ANO3: variants seen among roughly 807,000 people sequenced by gnomAD.
The protein encoded by ANO3 is anoctamin 3.
Under a neutral mutation model 144.8 loss-of-function variants are expected in ANO3, and 99 were observed. The ratio of observed to expected loss-of-function variants is 0.68; its 90% CI spans 0.58 to 0.81. The LOEUF is 0.81. ANO3 is among the 30% of genes least tolerant of loss of function. The pLI, the probability that ANO3 is intolerant of heterozygous loss-of-function variation, is 0.00. For synonymous variants in ANO3, 414 were observed against 392.6 expected (o/e 1.05, Z -0.64); for missense variants, 905 against 1,202.2 (o/e 0.75, Z 3.66).
intron 5 of ANO3, among the ~76,000 whole-genome samples, chr11:26,510,622 G>A (rs974469339): frequency 2.0e-5 from 3 of 152,008 alleles, no homozygotes; most frequent in Non-Finnish European, 1.5e-5. Flanking sequence ...ACATTATTTT[G>A]GCTAGCACTG....
At chr11:26,635,158 T>G in intron 20 of ANO3, 88 bp downstream of exon 20, 1 of 1,231,822 alleles carries the variant, frequency 8.1e-7, no homozygotes, top group Admixed American at 1.8e-5. Flanking sequence ...AAAGGAGAAG[T>G]TCAGGGAACT....
intron 1 of ANO3, among the ~76,000 whole-genome samples, chr11:26,398,960 G>A (rs756895293): frequency 1.3e-5 from 2 of 152,018 alleles, no homozygotes; most frequent in South Asian, 2.1e-4. Context: ...ATTTGGGCAG[G>A]TGATGGGGTA....
At chr11:26,390,554 A>G (rs1856848102) in intron 1 of ANO3, among the ~76,000 whole-genome samples, 1 of 152,168 alleles carries the variant, frequency 6.6e-6, no homozygotes, top group Non-Finnish European at 1.5e-5. Context: ...ACACTAGAGC[A>G]TCAGAGTACC....
At chr11:26,191,800 T>C (rs1323495710) in intron 1 of ANO3, among the ~76,000 whole-genome samples, 1 of 152,224 alleles carries the variant, frequency 6.6e-6, no homozygotes, top group Non-Finnish European at 1.5e-5. Context: ...CATATGGCCA[T>C]ATCTCTGTGT....
At chr11:26,463,946 A>G (rs1031329253) in intron 4 of ANO3, among the ~76,000 whole-genome samples, 3 of 151,676 alleles carry the variant, frequency 2.0e-5, no homozygotes, top group African/African-American at 4.8e-5. Flanking sequence ...ATGCCTTTGT[A>G]AAAAAGATAG....
chr11:26,572,517 T>C (rs867459654), intron 14 of ANO3, among the ~76,000 whole-genome samples: 3 of 152,098 alleles, frequency 2.0e-5, no homozygotes, highest in Non-Finnish European at 4.4e-5. Flanking sequence ...AAACAAGTCA[T>C]GCCCTGCACT....
chr11:26,212,547 A>G (rs111450413), intron 1 of ANO3, among the ~76,000 whole-genome samples: 45,873 of 151,904 alleles, frequency 0.3, 7,662 homozygotes, highest in Non-Finnish European at 0.37. Flanking sequence ...AAATGGATAA[A>G]TTTCTGGACA....
chr11:26,274,314 C>A (rs1214554328), intron 1 of ANO3, among the ~76,000 whole-genome samples: 2 of 151,872 alleles, frequency 1.3e-5, no homozygotes, highest in Non-Finnish European at 2.9e-5. Flanking sequence ...ATTAACAATA[C>A]AATCTGCTCT....
At chr11:26,338,700 C>CA in intron 1 of ANO3, among the ~76,000 whole-genome samples, 1 of 151,928 alleles carries the variant, frequency 6.6e-6, no homozygotes, top group Non-Finnish European at 1.5e-5. Flanking sequence ...TGAACCCCCC[C>CA]ACTGGGAGAA....
chr11:26,581,457 G>A (rs1427500352), intron 14 of ANO3, among the ~76,000 whole-genome samples: 1 of 151,992 alleles, frequency 6.6e-6, no homozygotes, highest in Non-Finnish European at 1.5e-5. Context: ...GGGAGGCCAA[G>A]GCAGGTGGAT....
intron 11 of ANO3, among the ~76,000 whole-genome samples, chr11:26,546,236 A>T (rs900755477): frequency 6.6e-6 from 1 of 151,960 alleles, no homozygotes; most frequent in South Asian, 2.1e-4. Flanking sequence ...CTATTATTGT[A>T]TGAGAAATGA....
intron 1 of ANO3, among the ~76,000 whole-genome samples, chr11:26,370,327 T>C (rs991075963): frequency 6.6e-5 from 10 of 152,182 alleles, no homozygotes; most frequent in African/African-American, 2.4e-4. Context: ...TGCTTCCCCT[T>C]CCACAATGAT....
At chr11:26,358,553 A>G (rs1169431706) in intron 1 of ANO3, among the ~76,000 whole-genome samples, 1 of 145,692 alleles carries the variant, frequency 6.9e-6, no homozygotes, top group East Asian at 1.9e-4. Context: ...ATTGACCATC[A>G]TAATTTTTTT....
intron 13 of ANO3, among the ~76,000 whole-genome samples, chr11:26,554,701 C>G (rs184621038): frequency 1.8e-3 from 273 of 152,162 alleles, no homozygotes; most frequent in African/African-American, 6.5e-3. Context: ...ACTCCAGTCT[C>G]TCAAGTGGTG....
upstream of ANO3, among the ~76,000 whole-genome samples, chr11:26,330,971 C>A (rs1314941343): frequency 6.6e-6 from 1 of 152,210 alleles, no homozygotes; most frequent in Non-Finnish European, 1.5e-5. Context: ...TGTTCAATAA[C>A]ATCTTACATC....
intron 14 of ANO3, among the ~76,000 whole-genome samples, chr11:26,578,596 G>T (rs186409852): frequency 7.7e-4 from 118 of 152,260 alleles, no homozygotes; most frequent in Middle Eastern, 3.4e-3. Context: ...ATCAGTTCCT[G>T]GGGAGTGAGG....
chr11:26,208,908 G>A (rs904432375), intron 1 of ANO3, among the ~76,000 whole-genome samples: 3 of 152,172 alleles, frequency 2.0e-5, no homozygotes, highest in African/African-American at 7.2e-5. Flanking sequence ...AATGTAAGAT[G>A]TAACTGTGTG....
chr11:26,539,474 C>T (rs563327445), intron 10 of ANO3, among the ~76,000 whole-genome samples: 2 of 152,200 alleles, frequency 1.3e-5, no homozygotes, highest in African/African-American at 4.8e-5. Flanking sequence ...ATATGAAGCC[C>T]AAAAAGCCTT....
intron 4 of ANO3, among the ~76,000 whole-genome samples, chr11:26,476,179 A>G (rs1194253224): frequency 6.6e-6 from 1 of 152,122 alleles, no homozygotes; most frequent in Non-Finnish European, 1.5e-5. Context: ...GCATTGATGA[A>G]TAAAATAGGC....
Sources: gnomAD v4.1 joint callset for allele counts (sites outside exome capture counted in the v4.1 genomes callset) on GRCh38, gnomAD v4.1.1 for gene constraint, MANE v1.5 for transcripts, NCBI Gene and HGNC (gene_info 2026-07-23, HGNC 2026-07-21) for gene names.